Variants in PAGE2B observed in about 807,000 individuals in gnomAD.
The protein encoded by PAGE2B is putative G antigen family E member 3.
PAGE2B carries 5 observed loss-of-function variants against 7.6 expected under a neutral mutation model. The ratio of observed to expected loss-of-function variants is 0.66; its 90% CI spans 0.34 to 1.38. The LOEUF is 1.38. Among genes scored for constraint, PAGE2B ranks in the 40% most tolerant of loss-of-function variants. The pLI is 0.04. For missense variants in PAGE2B, 70 were observed against 78.4 expected (o/e 0.89, Z 0.41); for synonymous variants, 29 against 26.7 (o/e 1.09, Z -0.27).
the PAGE2B span, among the ~76,000 whole-genome samples, chrX:55,040,229 G>A: frequency 3.0e-4 from 33 of 109,818 alleles, no homozygotes; most frequent in Admixed American, 3.2e-3. Context: ...TGCCATGTTG[G>A]TGTGCTGCAC....
chrX:55,051,597 G>A, the PAGE2B span, among the ~76,000 whole-genome samples: 22 of 112,008 alleles, frequency 2.0e-4, no homozygotes, highest in African/African-American at 6.2e-4. Context: ...CCAGGTGATT[G>A]CATCAGTTAC....
chrX:55,066,683 T>C, the PAGE2B span, among the ~76,000 whole-genome samples: 1 of 111,825 alleles, frequency 8.9e-6, no homozygotes, highest in African/African-American at 3.3e-5. Context: ...GTGTTATTTG[T>C]TTCTTTTCTC....
the PAGE2B span, among the ~76,000 whole-genome samples, chrX:55,056,335 G>A: frequency 9.0e-6 from 1 of 111,056 alleles, no homozygotes; most frequent in Non-Finnish European, 1.9e-5. Flanking sequence ...TGAAGTCCAG[G>A]TCAGTAGAAG....
At chrX:55,053,284 A>T in the PAGE2B span, among the ~76,000 whole-genome samples, 1 of 111,716 alleles carries the variant, frequency 9.0e-6, no homozygotes, top group African/African-American at 3.3e-5. Flanking sequence ...AAAACCAAGC[A>T]CCGCATGTTC....
the PAGE2B span, among the ~76,000 whole-genome samples, chrX:55,049,527 A>C: frequency 9.0e-6 from 1 of 111,414 alleles, no homozygotes; most frequent in Admixed American, 9.6e-5. Context: ...TTCCTGGTTT[A>C]GTCTTGGGAG....
the PAGE2B span, chrX:55,030,828 GAAAC>G: frequency 5.3e-6 from 1 of 189,624 alleles, no homozygotes; most frequent in African/African-American, 3.0e-5. Flanking sequence ...CAGATTCTAA[GAAAC>G]AAACAAAGGA....
the PAGE2B span, chrX:55,055,044 T>C: frequency 8.1e-5 from 9 of 111,549 alleles, no homozygotes; most frequent in Admixed American, 6.7e-4. Context: ...GCAAGGACTA[T>C]GTGTTGGTTC....
the PAGE2B span, among the ~76,000 whole-genome samples, chrX:55,064,543 C>T: frequency 9.0e-6 from 1 of 110,843 alleles, no homozygotes; most frequent in Admixed American, 9.6e-5. Context: ...ATTTTAAATT[C>T]ATTTATTTCT....
At chrX:55,067,600 C>G in the PAGE2B span, among the ~76,000 whole-genome samples, 1 of 111,655 alleles carries the variant, frequency 9.0e-6, no homozygotes, top group Non-Finnish European at 1.9e-5. Context: ...AATGGTACTT[C>G]TAGCTCTAGA....
At chrX:55,042,421 G>T in the PAGE2B span, among the ~76,000 whole-genome samples, 1 of 109,813 alleles carries the variant, frequency 9.1e-6, no homozygotes, top group South Asian at 3.9e-4. Flanking sequence ...TTGGGAGGCC[G>T]AGGTGGGCGG....
the PAGE2B span, among the ~76,000 whole-genome samples, chrX:55,037,513 A>T: frequency 7.2e-5 from 8 of 111,158 alleles, no homozygotes; most frequent in Admixed American, 1.9e-4. Context: ...AGGGATCTAG[A>T]ACTAGAAATA....
chrX:55,062,528 T>A, the PAGE2B span, among the ~76,000 whole-genome samples: 1 of 111,693 alleles, frequency 9.0e-6, no homozygotes, highest in African/African-American at 3.2e-5. Context: ...AAGTTGCAAA[T>A]GTTTGTCCCA....
the PAGE2B span, among the ~76,000 whole-genome samples, chrX:55,051,479 C>T: frequency 8.9e-6 from 1 of 111,977 alleles, no homozygotes; most frequent in African/African-American, 3.2e-5. Flanking sequence ...TTCACATAGT[C>T]CCATATTTCT....
chrX:55,050,916 C>T, the PAGE2B span, among the ~76,000 whole-genome samples: 3 of 111,815 alleles, frequency 2.7e-5, no homozygotes, highest in Admixed American at 1.9e-4. Context: ...ATGGTCTTTA[C>T]AATTTGGCAT....
At chrX:55,072,060 T>G (rs1465737840), upstream of PAGE2B, among the ~76,000 whole-genome samples, 2 of 112,165 alleles carry the variant, frequency 1.8e-5, no homozygotes, top group Non-Finnish European at 3.8e-5. Context: ...TTCTGTCAGT[T>G]TGTCAACCTC....
chrX:55,072,479 G>A (rs1227732099), upstream of PAGE2B, among the ~76,000 whole-genome samples: 1 of 112,382 alleles, frequency 8.9e-6, no homozygotes, highest in Non-Finnish European at 1.9e-5. Flanking sequence ...TCCTGTATGA[G>A]GTGTCTGTGG....
the PAGE2B span, among the ~76,000 whole-genome samples, chrX:55,049,440 C>A: frequency 9.0e-6 from 1 of 111,209 alleles, no homozygotes; most frequent in Non-Finnish European, 1.9e-5. Flanking sequence ...TGGTCCTGGA[C>A]TTTTTTTGGT....
chrX:55,059,964 A>T, the PAGE2B span, among the ~76,000 whole-genome samples: 1 of 111,196 alleles, frequency 9.0e-6, no homozygotes, highest in East Asian at 2.8e-4. Flanking sequence ...TCCTTCTTAA[A>T]GCTGAATAGT....
At chrX:55,071,521 T>C (rs1936448992), upstream of PAGE2B, among the ~76,000 whole-genome samples, 1 of 111,489 alleles carries the variant, frequency 9.0e-6, no homozygotes, top group East Asian at 2.8e-4. Flanking sequence ...CTGACCATTG[T>C]GTGTCTTGGA....
Sources: allele counts gnomAD v4.1 joint callset (sites outside exome capture counted in the v4.1 genomes callset), GRCh38; gene constraint gnomAD v4.1.1; transcripts MANE v1.5; gene names NCBI Gene and HGNC (gene_info 2026-07-23, HGNC 2026-07-21).